COL18A1: variants seen among roughly 807,000 people sequenced by gnomAD.
COL18A1 encodes the protein collagen alpha-1(XVIII) chain.
COL18A1 carries 133 observed loss-of-function variants against 168.0 expected under a neutral mutation model. The ratio of observed to expected loss-of-function variants is 0.79; its 90% confidence interval spans 0.69 to 0.91. COL18A1 has a LOEUF of 0.91. Among genes scored for constraint, COL18A1 ranks in the 40% least tolerant of loss-of-function variants. The probability of loss-of-function intolerance (pLI) is 0.00; values close to 1 mark genes in which losing one functional copy is unlikely to be tolerated. For synonymous variants in COL18A1, 949 were observed against 809.0 expected (o/e 1.17, Z -2.94); for missense variants, 2,126 against 1,925.4 (o/e 1.10, Z -1.95).
intron 2 of COL18A1, among the ~76,000 whole-genome samples, chr21:45,446,482 T>C (rs1222424710): frequency 3.9e-5 from 6 of 152,220 alleles, no homozygotes; most frequent in Non-Finnish European, 7.3e-5. Context: ...TGAATAGATA[T>C]ATAACAAGTG....
At chr21:45,482,922 C>G (rs1338868223) in intron 15 of COL18A1, 101 bp downstream of exon 15, 2 of 1,569,958 alleles carry the variant, frequency 1.3e-6, no homozygotes, top group Non-Finnish European at 1.7e-6. Context: ...AGAGAGTGAG[C>G]TCTCTTGGGG....
chr21:45,468,255 G>C lies in COL18A1; in HGVS notation c.120G>C (p.Glu40Asp). 1 of 1,613,084 alleles carries C rather than the reference G, an allele frequency of 6.2e-7. No individual in the cohort carries two copies. Among genetic ancestry groups the C allele is most frequent in the South Asian group, 1.1e-5 (1 of 91,088 alleles). Residue 40 changes from glutamate to aspartate, a missense_variant, in exon 3 of 42, where the codon GAG becomes GAC. Coordinates refer to ENST00000651438, the MANE Select transcript of COL18A1 (RefSeq NM_001379500.1). Reference protein sequence around the residue: ...AASAEPERISEEVGLLQLLGD... With the variant: ...AASAEPERISDEVGLLQLLGD... ...TTCTTTTTGCAGAGCGCATCAGCGA[G>C]GAGGTGGGGCTGCTGCAGCTCCTTG... is the stretch of plus-strand genomic sequence containing the variant.
At chr21:45,494,634 C>G (rs908214478) in intron 27 of COL18A1, 63 bp downstream of exon 27, 1 of 1,607,188 alleles carries the variant, frequency 6.2e-7, no homozygotes, top group Non-Finnish European at 8.5e-7. Flanking sequence ...AGGACACGGT[C>G]GCCCGCGGCT....
Position 45,463,075 on chromosome 21 carries a change from C to T in COL18A1, c.107-5167C>T, listed in dbSNP as rs1229056662. 6.6e-6 allele frequency among the ~76,000 whole-genome samples: 1 copy of T among 152,112 alleles called. No individual in the cohort carries two copies. The highest frequency in any genetic ancestry group is 2.4e-5 in the African/African-American group (1 of 41,400). Reference sequence around the variant, plus strand: ...GTCCCGTTCTTTCATGTTTGGCTCCCAAAGGAGGAATAAGATAAAAATGAG... The same window carrying T: ...GTCCCGTTCTTTCATGTTTGGCTCCTAAAGGAGGAATAAGATAAAAATGAG... On this transcript the variant is annotated intron_variant, in intron 2 of 41. Transcript: ENST00000651438. This position sits in a 1 kb window ranked among gnomAD's most constrained non-coding sequence, Gnocchi z 4.0.
At chr21:45,406,291 C>T (rs932723506) in intron 2 of COL18A1, among the ~76,000 whole-genome samples, 8 of 152,190 alleles carry the variant, frequency 5.3e-5, no homozygotes, top group Non-Finnish European at 1.2e-4. Flanking sequence ...ACCCGGGGGT[C>T]CACGCAGCCA....
At chr21:45,502,497 T>C (rs1377527660) in intron 32 of COL18A1, 1 of 152,146 alleles carries the variant, frequency 6.6e-6, no homozygotes, top group Non-Finnish European at 1.5e-5. Flanking sequence ...TGGGAAGAAG[T>C]ATTAAACATC....
rs944958106 is a variant in COL18A1 at position 45,443,146 on chromosome 21, G to C, written c.107-25096G>C. 8.3e-6 allele frequency among the ~76,000 whole-genome samples: 1 copy of C among 120,470 alleles called. No individual in the cohort carries two copies. The highest frequency in any genetic ancestry group is 2.8e-4 in the South Asian group (1 of 3,634). The allele number at this position is 120,470 out of a possible 152,430, so 79.0% of individuals were successfully genotyped here. A position where few individuals can be genotyped will look rare whatever the true frequency, so the allele number is the denominator to read the frequency against. On this transcript the variant is annotated intron_variant, in intron 2 of 41. Coordinates refer to ENST00000651438, the MANE Select transcript of COL18A1 (RefSeq NM_001379500.1). This position sits in a 1 kb window ranked among gnomAD's most constrained non-coding sequence, Gnocchi z 5.2. ...GGTGCTGGTGTGGGCGGCGGTGCTG[G>C]TGTGGGCGGCGGTGCTGGTGTGGGT...
chr21:45,426,246 A>T (rs767833359), intron 2 of COL18A1, among the ~76,000 whole-genome samples: 1 of 152,098 alleles, frequency 6.6e-6, no homozygotes, highest in Non-Finnish European at 1.5e-5. Flanking sequence ...CTGGAATTAC[A>T]GGCGCCCGCC....
At chr21:45,453,179 TTGTG>T (rs2034686992) in intron 2 of COL18A1, among the ~76,000 whole-genome samples, 1 of 151,256 alleles carries the variant, frequency 6.6e-6, no homozygotes. Context: ...GTGTGTGTGA[TTGTG>T]TATGCATGTA....
intron 2 of COL18A1, chr21:45,455,768 C>T (rs772982058): frequency 1.9e-6 from 3 of 1,613,642 alleles, no homozygotes; most frequent in African/African-American, 2.7e-5. Context: ...CCCTGGCAGC[C>T]CTGAGCCACC....
At position 45,494,513 on chromosome 21, in the gene COL18A1, A is replaced by G. The variant is rs563310441; in HGVS notation, c.2353-32A>G. 8 of 1,613,236 alleles carry G rather than the reference A, an allele frequency of 5.0e-6. No individual in the cohort carries two copies. In the African/African-American group the frequency reaches 9.3e-5, roughly 19 times the overall value. ...GCTGCCAGGTGGGGCACAAGCTGCCACCTAACCCTGTCTTCTTGTTTTTTT... is the reference window on the plus strand; with the variant it reads ...GCTGCCAGGTGGGGCACAAGCTGCCGCCTAACCCTGTCTTCTTGTTTTTTT... On this transcript the variant is annotated intron_variant, in intron 26 of 41. Coordinates refer to ENST00000651438, the MANE Select transcript of COL18A1 (RefSeq NM_001379500.1).
chr21:45,489,416 C>T (rs1568919495), intron 18 of COL18A1, 70 bp from the exon 19 acceptor site: 3 of 1,182,156 alleles, frequency 2.5e-6, no homozygotes, highest in South Asian at 2.6e-5. Context: ...TTCCCTTCAC[C>T]CGGGGTGGAC....
chr21:45,508,697 C>T (rs1358431633), intron 38 of COL18A1, among the ~76,000 whole-genome samples: 1 of 152,172 alleles, frequency 6.6e-6, no homozygotes, highest in Non-Finnish European at 1.5e-5. Flanking sequence ...GGGTTCAGCC[C>T]AGTCTGCTCT....
chr21:45,507,705 A>T, intron 38 of COL18A1, 112 bp downstream of exon 38: 2 of 1,019,426 alleles, frequency 2.0e-6, no homozygotes, highest in Non-Finnish European at 1.5e-6. Context: ...GGAGCTGAAC[A>T]TGTGGCTCAC....
At chr21:45,455,680 G>A in intron 2 of COL18A1, 1 of 1,613,774 alleles carries the variant, frequency 6.2e-7, no homozygotes, top group Non-Finnish European at 8.5e-7. Context: ...AGCCCCAGGG[G>A]CCCCTGCCTG....
In COL18A1 at chr21:45,504,305, G is replaced by T. The variant is rs539159746; in HGVS notation, c.2728-111G>T. The stretch of plus-strand genomic sequence containing the variant: ...ATTCTATGCAGCCAGCAGCTCCCAG[G>T]CCTGGGCTCCGGAAGCTTCTGACTG... On this transcript the variant is annotated intron_variant, in intron 33 of 41. Coordinates refer to ENST00000651438, the MANE Select transcript of COL18A1 (RefSeq NM_001379500.1). The T allele has an allele frequency of 4.6e-4, 515 of 1,129,900 alleles. 5 individuals carry two copies. The South Asian group carries it at 7.4e-3, about 16-fold the overall frequency. The allele number at this position is 1,129,900 out of a possible 1,614,324, so 70.0% of individuals were successfully genotyped here.
chr21:45,407,122 A>ACCCGCAG (rs1196961053), intron 2 of COL18A1, among the ~76,000 whole-genome samples: 1 of 151,846 alleles, frequency 6.6e-6, no homozygotes, highest in Non-Finnish European at 1.5e-5. Context: ...GCTCCAGGCC[A>ACCCGCAG]CCCGCAGCCC....
chr21:45,478,046 A>G, intron 8 of COL18A1, 81 bp downstream of exon 8: 1 of 817,194 alleles, frequency 1.2e-6, no homozygotes, highest in Non-Finnish European at 2.0e-6. Flanking sequence ...TGCGGCCGAC[A>G]TGGGAGTGAG....
chr21:45,442,519 C>T (rs954680589), intron 2 of COL18A1, among the ~76,000 whole-genome samples: 6 of 152,380 alleles, frequency 3.9e-5, no homozygotes, highest in Middle Eastern at 3.4e-3. Context: ...TAGTCTCTGT[C>T]GCCGGGTAGT....
Sources: allele counts gnomAD v4.1 joint callset (sites outside exome capture counted in the v4.1 genomes callset), GRCh38; gene constraint gnomAD v4.1.1; non-coding constraint Gnocchi (gnomAD v3.1); transcripts MANE v1.5; gene names NCBI Gene and HGNC (gene_info 2026-07-23, HGNC 2026-07-21).